CDK6: variants seen among roughly 807,000 people sequenced by gnomAD.
The protein encoded by CDK6 is cyclin dependent kinase 6, also known as cyclin-dependent kinase 6.
Under a neutral mutation model 37.1 loss-of-function variants are expected in CDK6, and 6 were observed. The ratio of observed to expected loss-of-function variants is 0.16; its 90% CI spans 0.09 to 0.32. The LOEUF (loss-of-function observed/expected upper bound fraction) is 0.32. Among genes scored for constraint, CDK6 ranks in the 10% least tolerant of loss-of-function variants. The pLI, the probability that CDK6 is intolerant of heterozygous loss-of-function variation, is 1.00. For synonymous variants in CDK6, 160 were observed against 161.3 expected (o/e 0.99, Z 0.06); for missense variants, 224 against 418.9 (o/e 0.53, Z 4.06).
chr7:92,757,454 TC>T (rs533810194), intron 3 of CDK6, among the ~76,000 whole-genome samples: 3 of 152,352 alleles, frequency 2.0e-5, no homozygotes, highest in African/African-American at 7.2e-5. Context: ...GGCCTCCAGT[TC>T]TATCCATGTT....
intron 2 of CDK6, among the ~76,000 whole-genome samples, chr7:92,790,279 T>C (rs902620928): frequency 1.3e-5 from 2 of 152,088 alleles, no homozygotes; most frequent in African/African-American, 4.8e-5. Flanking sequence ...AACCACCAAT[T>C]CCACCACCTA....
chr7:92,698,569 G>A (rs1259328021), intron 4 of CDK6, among the ~76,000 whole-genome samples: 4 of 152,242 alleles, frequency 2.6e-5, no homozygotes, highest in Admixed American at 6.5e-5. Context: ...AATACAGTAC[G>A]CTCCCTGGCA....
Position 92,611,106 on chromosome 7 carries a change from C to T in CDK6, c.*4034G>A, listed in dbSNP as rs1457608738. 2 of 226,952 alleles carry T rather than the reference C, an allele frequency of 8.8e-6. No homozygotes were observed. The highest frequency in any genetic ancestry group is 1.7e-5 in the Non-Finnish European group (2 of 114,330). The allele number at this position is 226,952 out of a possible 1,614,324, so 14.1% of individuals were successfully genotyped here. A position where few individuals can be genotyped will look rare whatever the true frequency, so the allele number is the denominator to read the frequency against. ...CTTCAAAATATATATAGCTTTGAAACTACCCTTTAAATACCTTCATTTTCT... is the reference window on the plus strand; with the variant it reads ...CTTCAAAATATATATAGCTTTGAAATTACCCTTTAAATACCTTCATTTTCT... On this transcript the variant is annotated 3_prime_UTR_variant, in exon 8 of 8. Transcript: ENST00000424848.
intron 5 of CDK6, among the ~76,000 whole-genome samples, chr7:92,648,695 GT>G (rs887124251): frequency 5.9e-5 from 9 of 152,188 alleles, no homozygotes; most frequent in Non-Finnish European, 8.8e-5. Context: ...ATGACCGAGT[GT>G]TTGCCAAGTG....
At position 92,611,052 on chromosome 7, in the gene CDK6, A is replaced by C. The variant is rs1795551929; in HGVS notation, c.*4088T>G. ...CCAGATGACCTTAGTATAAATTTTT[A>C]CAATATATTTGTTCATAAAGAATAT... On this transcript the variant is annotated 3_prime_UTR_variant, in exon 8 of 8. Transcript: ENST00000424848. 1 of 225,694 alleles carries C rather than the reference A, an allele frequency of 4.4e-6. No homozygotes were observed. The highest frequency in any genetic ancestry group is 1.8e-4 in the South Asian group (1 of 5,468). The allele number at this position is 225,694 out of a possible 1,614,324, so 14.0% of individuals were successfully genotyped here. A position where few individuals can be genotyped will look rare whatever the true frequency, so the allele number is the denominator to read the frequency against.
chr7:92,742,149 A>G (rs772942116), intron 3 of CDK6, among the ~76,000 whole-genome samples: 2 of 152,224 alleles, frequency 1.3e-5, no homozygotes, highest in Non-Finnish European at 2.9e-5. Flanking sequence ...CTAAATCAAT[A>G]ATGTCCTCTC....
chr7:92,622,971 G>A, intron 6 of CDK6, 65 bp downstream of exon 6: 1 of 978,674 alleles, frequency 1.0e-6, no homozygotes, highest in South Asian at 1.4e-5. Context: ...ATGCATGTCA[G>A]AGGAAAGTCA....
rs1397457904 is a variant in CDK6, at chr7:92,607,831, A to G, written c.*7309T>C. On this transcript the variant is annotated 3_prime_UTR_variant, in exon 8 of 8. Coordinates refer to ENST00000424848, the MANE Select transcript of CDK6 (RefSeq NM_001145306.2). ...GTAATAGGAAAACAAATGAATAAAAAGTGAGGAACTATGATATACATGTGT... is the reference window on the plus strand; with the variant it reads ...GTAATAGGAAAACAAATGAATAAAAGGTGAGGAACTATGATATACATGTGT... 4.3e-6 allele frequency: 1 copy of G among 233,342 alleles called. No individual in the cohort carries two copies. The highest frequency in any genetic ancestry group is 8.5e-6 in the Non-Finnish European group (1 of 117,960). 14.5% of individuals were successfully genotyped at this position (233,342 alleles called of 1,614,324 possible). A position where few individuals can be genotyped will look rare whatever the true frequency, so the allele number is the denominator to read the frequency against.
chr7:92,821,584 T>C lies in CDK6; in HGVS notation c.233+11507A>G, dbSNP rs73416974. Among the ~76,000 whole-genome samples the C allele has an allele frequency of 4.4e-3, 674 of 152,198 alleles. 4 individuals carry two copies. The highest frequency in any genetic ancestry group is 0.015 in the African/African-American group (624 of 41,532). On this transcript the variant is annotated intron_variant, in intron 2 of 7. Transcript: ENST00000424848. ...GTACTCTACTTTATTAACAACTTCC[T>C]TGAAACATATCTGACAACTGACTGG...
chr7:92,730,988 A>C (rs1798633682), intron 3 of CDK6, among the ~76,000 whole-genome samples: 1 of 152,206 alleles, frequency 6.6e-6, no homozygotes, highest in African/African-American at 2.4e-5. Flanking sequence ...CTAAGCAATG[A>C]AATAGTGACT....
At chr7:92,814,558 A>C (rs1488387204) in intron 2 of CDK6, among the ~76,000 whole-genome samples, 3 of 150,248 alleles carry the variant, frequency 2.0e-5, no homozygotes, top group African/African-American at 7.3e-5. Flanking sequence ...TGAATTGCAA[A>C]AAAAAAAAAA....
At chr7:92,797,325 A>G (rs1241114703) in intron 2 of CDK6, among the ~76,000 whole-genome samples, 6 of 152,172 alleles carry the variant, frequency 3.9e-5, no homozygotes, top group African/African-American at 1.4e-4. Flanking sequence ...AAGGGAGACA[A>G]TGATTTGGCT....
rs2116568726 is a variant in CDK6 at position 92,655,625 on chromosome 7, G to T, written c.647+15801C>A. 2.0e-5 allele frequency among the ~76,000 whole-genome samples: 3 copies of T among 152,312 alleles called. 1 individual carries two copies. The Middle Eastern group carries it at 0.01, about 518-fold the overall frequency. Reference sequence around the variant, plus strand: ...GTGCAAACACATTTGGCACGCTCTTGTTGCCCAACTTTCAAAGTATTGGAT... The same window carrying T: ...GTGCAAACACATTTGGCACGCTCTTTTTGCCCAACTTTCAAAGTATTGGAT... On this transcript the variant is annotated intron_variant, in intron 5 of 7. Coordinates refer to ENST00000424848, the MANE Select transcript of CDK6 (RefSeq NM_001145306.2).
chr7:92,727,249 C>T (rs905847786), intron 3 of CDK6, among the ~76,000 whole-genome samples: 2 of 152,066 alleles, frequency 1.3e-5, no homozygotes, highest in African/African-American at 4.8e-5. Context: ...TGACTGGGTA[C>T]CACCATGGAT....
intron 3 of CDK6, among the ~76,000 whole-genome samples, chr7:92,736,819 A>G (rs752597086): frequency 6.6e-6 from 1 of 152,226 alleles, no homozygotes; most frequent in African/African-American, 2.4e-5. Flanking sequence ...GGAGGCTATG[A>G]TACTATTCTG....
At chr7:92,816,939 AC>A (rs983617086) in intron 2 of CDK6, among the ~76,000 whole-genome samples, 2 of 151,708 alleles carry the variant, frequency 1.3e-5, no homozygotes, top group African/African-American at 2.4e-5. Flanking sequence ...ATAAACTACC[AC>A]CCCCCCAAAA....
intron 3 of CDK6, among the ~76,000 whole-genome samples, chr7:92,732,503 T>A (rs2115587997): frequency 6.6e-6 from 1 of 152,354 alleles, no homozygotes; most frequent in Middle Eastern, 3.4e-3. Flanking sequence ...TTCCCTCTTT[T>A]GAGAATTTTC....
intron 2 of CDK6, among the ~76,000 whole-genome samples, chr7:92,801,235 A>G (rs928876741): frequency 2.0e-5 from 3 of 152,130 alleles, no homozygotes; most frequent in Admixed American, 6.5e-5. Flanking sequence ...CACTCTTTTT[A>G]TTTTGATTGG....
intron 5 of CDK6, among the ~76,000 whole-genome samples, chr7:92,633,599 A>G (rs576915690): frequency 2.0e-5 from 3 of 151,836 alleles, no homozygotes; most frequent in South Asian, 2.1e-4. Context: ...TGCTTGTTGA[A>G]ATAAAGCTGG....
Sources: allele counts gnomAD v4.1 joint callset (sites outside exome capture counted in the v4.1 genomes callset), GRCh38; gene constraint gnomAD v4.1.1; transcripts MANE v1.5; gene names NCBI Gene and HGNC (gene_info 2026-07-23, HGNC 2026-07-21).